Variants in TCF12 observed in about 807,000 individuals in gnomAD.
TCF12 encodes transcription factor 12.
A neutral mutation model predicts 86.0 loss-of-function variants in TCF12; 45 were observed. The ratio of observed to expected loss-of-function variants is 0.52; its 90% CI spans 0.41 to 0.67. The LOEUF is 0.67. Ranked by LOEUF, TCF12 falls within the 30% of genes least tolerant of loss-of-function variation. The probability of loss-of-function intolerance (pLI) is 0.00; values close to 1 mark genes in which losing one functional copy is unlikely to be tolerated. For missense variants in TCF12, 881 were observed against 859.9 expected (o/e 1.02, Z -0.31); for synonymous variants, 330 against 299.6 (o/e 1.10, Z -1.05).
At chr15:57,191,841 T>A (rs1001159935) in intron 6 of TCF12, among the ~76,000 whole-genome samples, 4 of 151,180 alleles carry the variant, frequency 2.6e-5, no homozygotes, top group Non-Finnish European at 5.9e-5. Flanking sequence ...GGCTGAGGCA[T>A]GAGAATCGCT....
chr15:57,166,242 G>C (rs2054883083), intron 5 of TCF12, among the ~76,000 whole-genome samples, 160 bp from the exon 6 acceptor site: 1 of 152,128 alleles, frequency 6.6e-6, no homozygotes, highest in Non-Finnish European at 1.5e-5. Context: ...ACTGACTGAA[G>C]TGATAGCAAG....
At chr15:57,024,853 G>T (rs1394629185) in intron 3 of TCF12, among the ~76,000 whole-genome samples, 2 of 152,202 alleles carry the variant, frequency 1.3e-5, no homozygotes, top group African/African-American at 4.8e-5. Context: ...AGGTAAGGGA[G>T]AGGAACGAAT....
intron 3 of TCF12, among the ~76,000 whole-genome samples, chr15:57,037,454 CA>C (rs2066581304): frequency 6.6e-6 from 1 of 151,846 alleles, no homozygotes; most frequent in Non-Finnish European, 1.5e-5. Flanking sequence ...AACAAACAAA[CA>C]AACAAGGTAG....
At position 57,253,323 on chromosome 15, in the gene TCF12, A is replaced by G; in HGVS notation, c.1322A>G (p.His441Arg). 2 of 1,614,086 alleles carry G rather than the reference A, an allele frequency of 1.2e-6. No homozygotes were observed. Among genetic ancestry groups the G allele is most frequent in the Non-Finnish European group, 1.7e-6 (2 of 1,179,976 alleles). The change falls in exon 16 of 21, where the codon CAT becomes CGT. Residue 441 changes from histidine to arginine, a missense_variant. Physicochemically the swap from His to Arg is conservative, Grantham distance 29. Coordinates refer to ENST00000333725, the MANE Select transcript of TCF12 (RefSeq NM_207037.2). ...LDDAIHVLRN[H>R]AVGPSTSLPA... Reference sequence around the variant, plus strand: ...GATGCAATCCATGTGCTGCGGAACCATGCTGTGGGACCTTCCACCAGTTTG... The same window carrying G: ...GATGCAATCCATGTGCTGCGGAACCGTGCTGTGGGACCTTCCACCAGTTTG...
chr15:57,285,149 A>G (rs994747044), intron 20 of TCF12, among the ~76,000 whole-genome samples: 53 of 152,244 alleles, frequency 3.5e-4, no homozygotes, highest in Admixed American at 3.5e-3. Context: ...GAACAATGCT[A>G]CTAGAATCAA....
chr15:57,184,596 A>C (rs184231269), intron 6 of TCF12, among the ~76,000 whole-genome samples: 1 of 152,234 alleles, frequency 6.6e-6, no homozygotes, highest in Admixed American at 6.5e-5. Context: ...AGCAGGAAAA[A>C]TCCTGTTGAA....
chr15:56,967,099 G>A (rs1036359296), intron 3 of TCF12, among the ~76,000 whole-genome samples: 14 of 151,958 alleles, frequency 9.2e-5, no homozygotes, highest in Non-Finnish European at 1.3e-4. Flanking sequence ...TCCAGCCTGG[G>A]CAACAGAGCG....
intron 3 of TCF12, among the ~76,000 whole-genome samples, chr15:56,990,416 T>A (rs2063393693): frequency 6.6e-6 from 1 of 152,066 alleles, no homozygotes; most frequent in African/African-American, 2.4e-5. Flanking sequence ...CTTATAGACT[T>A]GTAGTTATAG....
chr15:57,078,625 T>C (rs11632172), intron 4 of TCF12, among the ~76,000 whole-genome samples: 29,830 of 149,716 alleles, frequency 0.2, 3,922 homozygotes, highest in Non-Finnish European at 0.29. Context: ...ATGCATATTT[T>C]AATTTCTTTA....
intron 6 of TCF12, among the ~76,000 whole-genome samples, chr15:57,174,388 A>G (rs960420431): frequency 6.6e-6 from 1 of 152,242 alleles, no homozygotes; most frequent in African/African-American, 2.4e-5. Context: ...TCTCTCAGCA[A>G]GCTAATAGAA....
At chr15:57,131,076 C>G (rs2052077143) in intron 5 of TCF12, among the ~76,000 whole-genome samples, 1 of 152,162 alleles carries the variant, frequency 6.6e-6, no homozygotes, top group Admixed American at 6.6e-5. Context: ...GTCAGACATA[C>G]TGTTAATAAG....
intron 5 of TCF12, among the ~76,000 whole-genome samples, chr15:57,150,588 T>A (rs1486089516): frequency 6.6e-6 from 1 of 152,094 alleles, no homozygotes; most frequent in African/African-American, 2.4e-5. Context: ...ATAAACATTT[T>A]AAGGTCTGGC....
rs866284011 is a variant in TCF12 at position 57,283,256 on chromosome 15, G to T, written c.*11+658G>T. ...TGGACTAAACATAATTCAGTTCCTT[G>T]TGATTTTTTTTTTTTTTCCTCAAGA... is the stretch of plus-strand genomic sequence containing the variant. On this transcript the variant is annotated intron_variant, in intron 20 of 20. Transcript: ENST00000333725. 1.6e-4 allele frequency among the ~76,000 whole-genome samples: 24 copies of T among 150,572 alleles called. No individual in the cohort carries two copies. In the Middle Eastern group the frequency reaches 0.01, roughly 64 times the overall value.
intron 5 of TCF12, among the ~76,000 whole-genome samples, chr15:57,123,887 G>A (rs2051418705): frequency 6.7e-6 from 1 of 150,072 alleles, no homozygotes; most frequent in African/African-American, 2.4e-5. Context: ...GTGAACCCGG[G>A]TGAACCCGGG....
chr15:57,160,224 C>G (rs1263516221), intron 5 of TCF12, among the ~76,000 whole-genome samples: 1 of 152,204 alleles, frequency 6.6e-6, no homozygotes, highest in East Asian at 1.9e-4. Context: ...ACTCACAGTT[C>G]AGCATGGCTG....
At chr15:57,249,535 T>C (rs2060013182) in intron 13 of TCF12, among the ~76,000 whole-genome samples, 1 of 152,180 alleles carries the variant, frequency 6.6e-6, no homozygotes, top group South Asian at 2.1e-4. Context: ...ATGAAGAATC[T>C]GTATCCAACT....
At chr15:57,121,940 A>G (rs2051263896) in intron 5 of TCF12, among the ~76,000 whole-genome samples, 1 of 152,126 alleles carries the variant, frequency 6.6e-6, no homozygotes, top group Non-Finnish European at 1.5e-5. Flanking sequence ...TATTTTTATG[A>G]TGGTGAGTGA....
chr15:57,071,637 C>A (rs2069393960), intron 4 of TCF12, among the ~76,000 whole-genome samples: 1 of 152,082 alleles, frequency 6.6e-6, no homozygotes, highest in South Asian at 2.1e-4. Flanking sequence ...AAACAAAAAA[C>A]AAAAAACAAA....
At chr15:57,183,338 C>G (rs1469352616) in intron 6 of TCF12, among the ~76,000 whole-genome samples, 1 of 152,164 alleles carries the variant, frequency 6.6e-6, no homozygotes, top group Non-Finnish European at 1.5e-5. Flanking sequence ...AATGCACACA[C>G]TTTTGCTAAA....
Sources: allele counts gnomAD v4.1 joint callset (sites outside exome capture counted in the v4.1 genomes callset), GRCh38; gene constraint gnomAD v4.1.1; transcripts MANE v1.5; gene names NCBI Gene and HGNC (gene_info 2026-07-23, HGNC 2026-07-21).